The following RABGAP1L variants were observed in gnomAD, a reference collection of about 807,000 sequenced individuals.
RABGAP1L encodes the protein RAB GTPase activating protein 1 like.
RABGAP1L carries 63 observed loss-of-function variants against 137.7 expected under a neutral mutation model. The observed-to-expected ratio is 0.46, with a 90% CI of 0.37 to 0.56. The LOEUF (loss-of-function observed/expected upper bound fraction) is 0.56, where lower values mean the gene tolerates loss of function less well. Among genes scored for constraint, RABGAP1L ranks in the 20% least tolerant of loss-of-function variants. The pLI is 0.00. For missense variants in RABGAP1L, 1,095 were observed against 1,244.0 expected, an observed-to-expected ratio of 0.88 and a Z score of 1.80; for synonymous variants, 431 against 433.7, an observed-to-expected ratio of 0.99 and a Z score of 0.08.
intron 13 of RABGAP1L, among the ~76,000 whole-genome samples, chr1:174,444,963 G>A (rs1217077951): frequency 6.6e-6 from 1 of 151,906 alleles, no homozygotes; most frequent in South Asian, 2.1e-4. Flanking sequence ...ATTTTCACAA[G>A]TCTGTGATTA....
At chr1:174,470,703 G>C (rs546919370) in intron 13 of RABGAP1L, among the ~76,000 whole-genome samples, 3 of 152,082 alleles carry the variant, frequency 2.0e-5, no homozygotes, top group Non-Finnish European at 2.9e-5. Flanking sequence ...GGAGATGGAG[G>C]TTACAGTGAG....
chr1:174,542,737 A>G (rs180931184), intron 13 of RABGAP1L, among the ~76,000 whole-genome samples: 1 of 152,212 alleles, frequency 6.6e-6, no homozygotes, highest in Non-Finnish European at 1.5e-5. Flanking sequence ...ATTTAGTGCT[A>G]TAAATTTCCC....
chr1:174,307,164 AGCT>A (rs1310137038), intron 11 of RABGAP1L, among the ~76,000 whole-genome samples: 2 of 152,198 alleles, frequency 1.3e-5, no homozygotes, highest in East Asian at 3.8e-4. Context: ...AAGCTCACTC[AGCT>A]TAAAGTGACA....
At chr1:174,908,191 C>CA (rs1489426062) in intron 19 of RABGAP1L, among the ~76,000 whole-genome samples, 1 of 152,128 alleles carries the variant, frequency 6.6e-6, no homozygotes, top group African/African-American at 2.4e-5. Flanking sequence ...AGGTAAACTG[C>CA]AATACAGTAA....
chr1:174,767,180 T>G (rs149265339), intron 18 of RABGAP1L, among the ~76,000 whole-genome samples: 1 of 152,224 alleles, frequency 6.6e-6, no homozygotes, highest in Non-Finnish European at 1.5e-5. Context: ...TCCGACCACC[T>G]TGGGCACATG....
At chr1:174,597,304 C>T (rs75117987) in intron 13 of RABGAP1L, among the ~76,000 whole-genome samples, 3,450 of 152,208 alleles carry the variant, frequency 0.023, 61 homozygotes, top group Middle Eastern at 0.085. Context: ...ATTAGTTCTT[C>T]AAATGTTTTG....
intron 13 of RABGAP1L, among the ~76,000 whole-genome samples, chr1:174,522,583 GAAAA>G (rs543096991): frequency 6.6e-6 from 1 of 151,920 alleles, no homozygotes; most frequent in Non-Finnish European, 1.5e-5. Context: ...GGAAAAAAAA[GAAAA>G]AAGAAAAGAG....
chr1:174,861,106 C>T (rs1438580851), intron 19 of RABGAP1L, among the ~76,000 whole-genome samples: 4 of 152,090 alleles, frequency 2.6e-5, no homozygotes, highest in African/African-American at 9.7e-5. Flanking sequence ...TCTTATCCCC[C>T]GACAAGGAGC....
chr1:174,507,435 AT>A (rs1327817934), intron 13 of RABGAP1L, among the ~76,000 whole-genome samples: 13 of 152,222 alleles, frequency 8.5e-5, no homozygotes, highest in South Asian at 8.3e-4. Flanking sequence ...TGTTAAAAAA[AT>A]ACCAGTACCT....
intron 10 of RABGAP1L, among the ~76,000 whole-genome samples, chr1:174,283,369 T>A (rs1675749067): frequency 6.6e-6 from 1 of 151,926 alleles, no homozygotes; most frequent in Non-Finnish European, 1.5e-5. Flanking sequence ...TCATGCCACT[T>A]GCACTCCAGC....
At chr1:174,395,385 G>GT (rs113177710) in intron 13 of RABGAP1L, among the ~76,000 whole-genome samples, 29 of 149,570 alleles carry the variant, frequency 1.9e-4, no homozygotes, top group African/African-American at 2.9e-4. Context: ...TGCATGTCAA[G>GT]TTTTTTTTTT....
intron 19 of RABGAP1L, among the ~76,000 whole-genome samples, chr1:174,902,253 C>A (rs1015782269): frequency 6.6e-6 from 1 of 152,170 alleles, no homozygotes; most frequent in African/African-American, 2.4e-5. Context: ...TTGTTTGGAC[C>A]ACCTATATTC....
At chr1:174,499,378 G>A (rs560653063) in intron 13 of RABGAP1L, among the ~76,000 whole-genome samples, 2 of 151,986 alleles carry the variant, frequency 1.3e-5, no homozygotes, top group East Asian at 3.9e-4. Flanking sequence ...AGAACATTTA[G>A]GAAAACTACA....
intron 15 of RABGAP1L, among the ~76,000 whole-genome samples, chr1:174,697,072 A>G (rs1679311561): frequency 6.6e-6 from 1 of 152,172 alleles, no homozygotes; most frequent in Non-Finnish European, 1.5e-5. Flanking sequence ...CTCTTCCCCT[A>G]GGGAGGCACT....
At chr1:174,346,437 C>G (rs1362923631) in intron 11 of RABGAP1L, among the ~76,000 whole-genome samples, 2 of 152,070 alleles carry the variant, frequency 1.3e-5, no homozygotes. Flanking sequence ...TTGGTCTATT[C>G]AGGTTTTGGA....
At chr1:174,289,206 T>G (rs1328318695) in intron 10 of RABGAP1L, among the ~76,000 whole-genome samples, 1 of 152,098 alleles carries the variant, frequency 6.6e-6, no homozygotes, top group East Asian at 1.9e-4. Context: ...CCCACCTAAT[T>G]TTTTAAAAAT....
chr1:174,317,690 G>A (rs1043588280), intron 11 of RABGAP1L, among the ~76,000 whole-genome samples: 3 of 152,158 alleles, frequency 2.0e-5, no homozygotes, highest in African/African-American at 7.2e-5. Context: ...CACTGTCTCT[G>A]GGCCTAGTTC....
intron 8 of RABGAP1L, among the ~76,000 whole-genome samples, chr1:174,272,972 G>A (rs1421883577): frequency 6.6e-6 from 1 of 151,854 alleles, no homozygotes; most frequent in African/African-American, 2.4e-5. Context: ...TGTCCTTAAA[G>A]GTTAATATAT....
intron 19 of RABGAP1L, among the ~76,000 whole-genome samples, chr1:174,842,214 C>G (rs1374967404): frequency 6.6e-6 from 1 of 152,216 alleles, no homozygotes; most frequent in African/African-American, 2.4e-5. Context: ...CTCCTTCCGT[C>G]ATCATGTTGA....
Sources: allele counts gnomAD v4.1 joint callset (sites outside exome capture counted in the v4.1 genomes callset), GRCh38; gene constraint gnomAD v4.1.1; transcripts MANE v1.5; gene names NCBI Gene and HGNC (gene_info 2026-07-23, HGNC 2026-07-21).